MIAT: variants seen among roughly 807,000 people sequenced by gnomAD.
The protein encoded by MIAT is MI related novel mRNA.
upstream of MIAT, chr22:26,646,445 G>A (rs1201471799): frequency 2.0e-5 from 8 of 399,302 alleles, no homozygotes; most frequent in East Asian, 2.8e-4. Context: ...GAGTAGACAG[G>A]AACCACGAGA....
At chr22:26,675,887 G>A (rs944305583) in exon 5 of MIAT, 1 of 398,542 alleles carries the variant, frequency 2.5e-6, no homozygotes, top group African/African-American at 2.1e-5. Flanking sequence ...TGTTCCCAGA[G>A]GCAGAAGGAT....
chr22:26,673,131 A>G (rs1223935280), downstream of MIAT: 1 of 398,526 alleles, frequency 2.5e-6, no homozygotes, highest in African/African-American at 2.1e-5. Flanking sequence ...TGCAGGAGAG[A>G]GAAGTGGGGA....
At chr22:26,674,851 G>T (rs1931201325) in exon 5 of MIAT, 1 of 398,672 alleles carries the variant, frequency 2.5e-6, no homozygotes, top group Admixed American at 4.4e-5. Context: ...GATCTACTAT[G>T]TGCCAGGCAC....
downstream of MIAT, chr22:26,672,859 A>G (rs1931104499): frequency 2.5e-6 from 1 of 398,460 alleles, no homozygotes; most frequent in Non-Finnish European, 4.4e-6. Context: ...AACATTTCTC[A>G]TATTTGAAGG....
At chr22:26,670,541 G>T, downstream of MIAT, 1 of 304,642 alleles carries the variant, frequency 3.3e-6, no homozygotes, top group Non-Finnish European at 5.9e-6. Flanking sequence ...ATCTGGCTGA[G>T]ATGATACCCG....
rs1049539507 is a variant in MIAT at position 26,647,123 on chromosome 22, G to C, written n.509-51G>C. 3 of 398,290 alleles carry C rather than the reference G, an allele frequency of 7.5e-6. No individual in the cohort carries two copies. In the Admixed American group the frequency reaches 1.3e-4, roughly 18 times the overall value. The allele number at this position is 398,290 out of a possible 1,614,324, so 24.7% of individuals were successfully genotyped here. ...GTCAGCATGGCTGTATTGAAACGGA[G>C]ACCTCAGGCAAGCCACCTTTCTTCT... On this transcript the variant is annotated intron_variant and non_coding_transcript_variant, in intron 1 of 5. Transcript: ENST00000643270.
chr22:26,659,584 T>C (rs1001261366), intron 2 of MIAT, among the ~76,000 whole-genome samples: 3 of 151,940 alleles, frequency 2.0e-5, no homozygotes, highest in Non-Finnish European at 4.4e-5. Context: ...ACACCTGCAA[T>C]TCCAGCACTT....
downstream of MIAT, chr22:26,670,475 G>A: frequency 7.5e-6 from 3 of 398,486 alleles, no homozygotes; most frequent in Non-Finnish European, 4.4e-6. Context: ...GGCTGCTGCA[G>A]TCTGGAACAG....
intron 3 of MIAT, among the ~76,000 whole-genome samples, chr22:26,664,851 A>G (rs1392405195): frequency 1.3e-5 from 2 of 152,250 alleles, no homozygotes; most frequent in African/African-American, 4.8e-5. Context: ...CATAAATATC[A>G]CACACAGATT....
intron 2 of MIAT, among the ~76,000 whole-genome samples, chr22:26,658,604 C>T (rs562573269): frequency 6.6e-6 from 1 of 152,164 alleles, no homozygotes; most frequent in African/African-American, 2.4e-5. Flanking sequence ...GCGGAGGGCC[C>T]TGGGGTAGAG....
intron 4 of MIAT, chr22:26,667,096 C>G (rs1310756809): frequency 4.1e-6 from 1 of 243,718 alleles, no homozygotes; most frequent in East Asian, 7.0e-5. Context: ...AATGCTTGCT[C>G]TGTGTGGTCT....
At chr22:26,652,671 T>C (rs1349594885) in intron 2 of MIAT, among the ~76,000 whole-genome samples, 1 of 152,144 alleles carries the variant, frequency 6.6e-6, no homozygotes, top group South Asian at 2.1e-4. Flanking sequence ...TCTCTTTTTT[T>C]AAAGAGGCAC....
At chr22:26,671,637 C>CTG (rs2146019684), downstream of MIAT, 1 of 398,686 alleles carries the variant, frequency 2.5e-6, no homozygotes, top group African/African-American at 2.1e-5. Flanking sequence ...GATCTTTGTG[C>CTG]AGACCCACGT....
intron 2 of MIAT, among the ~76,000 whole-genome samples, chr22:26,648,647 C>A (rs1386442163): frequency 2.6e-5 from 4 of 151,860 alleles, no homozygotes; most frequent in African/African-American, 9.7e-5. Context: ...GAGAAAAGAC[C>A]TGATAATTTT....
downstream of MIAT, chr22:26,674,567 C>T (rs1257057264): frequency 1.3e-5 from 5 of 398,724 alleles, no homozygotes; most frequent in South Asian, 3.8e-4. Flanking sequence ...ACTGTGGACT[C>T]AGAGCTAACC....
rs200091347 is a variant in MIAT at position 26,668,384 on chromosome 22, C to T, written n.2489C>T. 608 of 398,824 alleles carry T rather than the reference C, an allele frequency of 1.5e-3. 4 individuals are homozygous for T. The highest frequency in any genetic ancestry group is 0.012 in the African/African-American group (567 of 48,758). The allele number at this position is 398,824 out of a possible 1,614,324, so 24.7% of individuals were successfully genotyped here. A position where few individuals can be genotyped will look rare whatever the true frequency, so the allele number is the denominator to read the frequency against. ...TGCTCAGCAGATGACTGATCTGGCT[C>T]TGGAGGACAGCTCCAGGGGTATGAG... On this transcript the variant is annotated non_coding_transcript_exon_variant, in exon 6 of 6. Transcript: ENST00000643270.
At chr22:26,668,448 G>A (rs768913453) in exon 6 of MIAT, 5 of 398,666 alleles carry the variant, frequency 1.3e-5, no homozygotes, top group Non-Finnish European at 2.2e-5. Flanking sequence ...TCACCTGCTC[G>A]GGCCCTGCCT....
chr22:26,647,779 AGG>A (rs34028724), intron 2 of MIAT, among the ~76,000 whole-genome samples: 2 of 150,908 alleles, frequency 1.3e-5, no homozygotes. Context: ...GAAGCCCAGT[AGG>A]GGATGTTGGG....
intron 2 of MIAT, among the ~76,000 whole-genome samples, chr22:26,656,417 C>G (rs921315288): frequency 4.0e-5 from 6 of 151,614 alleles, no homozygotes; most frequent in African/African-American, 1.2e-4. Context: ...CTCCGCCTCC[C>G]GGGTTCGAGT....
Sources: allele counts gnomAD v4.1 joint callset (sites outside exome capture counted in the v4.1 genomes callset), GRCh38; gene constraint gnomAD v4.1.1; transcripts MANE v1.5; gene names NCBI Gene and HGNC (gene_info 2026-07-23, HGNC 2026-07-21).